The following GC variants were observed in gnomAD, a reference collection of about 807,000 sequenced individuals.
GC encodes the protein vitamin D-binding protein.
GC carries 43 observed loss-of-function variants against 56.7 expected under a neutral mutation model. That is an observed-to-expected ratio of 0.76 (90% CI 0.59 to 0.98). The LOEUF is 0.98. Ranked by LOEUF, GC falls within the 50% of genes least tolerant of loss-of-function variation. GC has a pLI of 0.00. For missense variants in GC, 529 were observed against 545.9 expected, an observed-to-expected ratio of 0.97 and a Z score of 0.31; for synonymous variants, 216 against 202.7, an observed-to-expected ratio of 1.07 and a Z score of -0.56.
At chr4:71,771,398 T>C (rs1338606567) in intron 1 of GC, among the ~76,000 whole-genome samples, 1 of 152,066 alleles carries the variant, frequency 6.6e-6, no homozygotes, top group African/African-American at 2.4e-5. Context: ...TAATGTCAGA[T>C]TGCCTGTAGA....
Position 71,768,325 on chromosome 4 carries a change from A to G in GC, c.237T>C (p.Ala79=), listed in dbSNP as rs1185572014. 6.2e-7 allele frequency: 1 copy of G among 1,612,502 alleles called. No individual in the cohort carries two copies. Among genetic ancestry groups the G allele is most frequent in the African/African-American group, 1.3e-5 (1 of 75,004 alleles). The stretch of plus-strand genomic sequence containing the variant: ...CCCTGGTGTCATAGCAGTCAGGGTC[A>G]GCCCCTTCCGCACAGCAGGCTTCGG... The part of the protein sequence containing the change: ...SLTEACCAEG[A]DPDCYDTRTS... The change falls in exon 3 of 13, where the codon GCT becomes GCC. Residue 79 remains alanine (A), a synonymous_variant. Coordinates refer to ENST00000273951, the MANE Select transcript of GC (RefSeq NM_000583.4).
chr4:71,768,111 T>C (rs541524181), intron 3 of GC, among the ~76,000 whole-genome samples, 190 bp downstream of exon 3: 1 of 152,312 alleles, frequency 6.6e-6, no homozygotes, highest in Admixed American at 6.5e-5. Flanking sequence ...TTGAACCTTG[T>C]AGGAATAATG....
chr4:71,779,496 A>G (rs1742608747), intron 1 of GC, among the ~76,000 whole-genome samples: 1 of 151,834 alleles, frequency 6.6e-6, no homozygotes, highest in Non-Finnish European at 1.5e-5. Flanking sequence ...CCTGGGGTGC[A>G]AAGGACTTAG....
chr4:71,795,203 T>C (rs1016184259), intron 1 of GC, among the ~76,000 whole-genome samples: 5 of 152,228 alleles, frequency 3.3e-5, no homozygotes, highest in African/African-American at 4.8e-5. Flanking sequence ...GTTCAAGTCC[T>C]GAATATCTTT....
In GC at chr4:71,754,460, C is replaced by T; in HGVS notation, c.1213G>A (p.Glu405Lys). 1 of 1,593,624 alleles carries T rather than the reference C, an allele frequency of 6.3e-7. No homozygotes were observed. Reference sequence around the variant, plus strand: ...TTTTCTGAATAATCTGCACATAGTTCTTGTCCCTTGTCAATGAAAGAAGAT... The same window carrying T: ...TTTTCTGAATAATCTGCACATAGTTTTTGTCCCTTGTCAATGAAAGAAGAT... Reference protein sequence around the residue: ...ELSSFIDKGQELCADYSENTF... With the variant: ...ELSSFIDKGQKLCADYSENTF... The change falls in exon 10 of 13, where the codon GAA (glutamate) becomes AAA (lysine). Residue 405 changes from glutamate to lysine, a missense_variant. Coordinates refer to ENST00000273951, the MANE Select transcript of GC (RefSeq NM_000583.4).
intron 12 of GC, among the ~76,000 whole-genome samples, chr4:71,745,339 G>T (rs1271738206): frequency 6.6e-6 from 1 of 152,134 alleles, no homozygotes; most frequent in Non-Finnish European, 1.5e-5. Flanking sequence ...CAGCTTCAGA[G>T]GATTTAAATA....
chr4:71,795,141 T>C lies in GC; in HGVS notation c.21+8785A>G, dbSNP rs1046925527. ...GAGAAGAATGTATATTCTGTTGATT[T>C]GGGGTGGAGAGTTCTGTAGCTGTCT... On this transcript the variant is annotated intron_variant, in intron 1 of 13. Coordinates refer to the GC transcript ENST00000504199. Among the ~76,000 whole-genome samples, 11 of 152,326 alleles carry C rather than the reference T, an allele frequency of 7.2e-5. 1 individual carries two copies. The highest frequency in any genetic ancestry group is 6.5e-4 in the Admixed American group (10 of 15,300).
intron 3 of GC, among the ~76,000 whole-genome samples, chr4:71,767,309 C>T (rs1389261431): frequency 6.6e-6 from 1 of 152,110 alleles, no homozygotes; most frequent in Admixed American, 6.6e-5. Flanking sequence ...TCATTTGCAT[C>T]AGGCCTGACG....
intron 3 of GC, 133 bp from the exon 4 acceptor site, chr4:71,765,776 C>T: frequency 3.2e-6 from 2 of 622,974 alleles, no homozygotes; most frequent in Non-Finnish European, 2.8e-6. Flanking sequence ...CCAAGGGCTC[C>T]ATGAAGTGAT....
intron 1 of GC, among the ~76,000 whole-genome samples, chr4:71,775,190 G>A (rs1742469628): frequency 6.6e-6 from 1 of 151,734 alleles, no homozygotes; most frequent in Non-Finnish European, 1.5e-5. Context: ...TCTTATAAAG[G>A]CAGCATATAC....
At chr4:71,803,966 T>A in exon 1 of GC, 1 of 1,462,904 alleles carries the variant, frequency 6.8e-7, no homozygotes, top group Non-Finnish European at 9.3e-7. Flanking sequence ...GTTGGACTAG[T>A]CCAGATCATC....
At chr4:71,802,926 G>A (rs547477499) in intron 1 of GC, among the ~76,000 whole-genome samples, 3 of 152,142 alleles carry the variant, frequency 2.0e-5, no homozygotes, top group Non-Finnish European at 2.9e-5. Flanking sequence ...TTACACTGAA[G>A]AGCATGCTGA....
intron 1 of GC, among the ~76,000 whole-genome samples, chr4:71,783,321 T>C (rs1742744055): frequency 6.6e-6 from 1 of 151,746 alleles, no homozygotes; most frequent in South Asian, 2.1e-4. Flanking sequence ...AATCTCAGTC[T>C]TTATCATGTA....
chr4:71,784,430 A>C, upstream of GC: 18 of 446,752 alleles, frequency 4.0e-5, no homozygotes, highest in Non-Finnish European at 4.4e-5. Context: ...CACCTTTCTC[A>C]TATGTAAGTG....
intron 9 of GC, 48 bp downstream of exon 9, chr4:71,754,930 T>A: frequency 7.1e-7 from 1 of 1,411,344 alleles, no homozygotes; most frequent in South Asian, 1.4e-5. Flanking sequence ...ACTATAATTT[T>A]CCAACCCTTG....
intron 11 of GC, among the ~76,000 whole-genome samples, chr4:71,750,052 T>C (rs1019706899): frequency 4.6e-5 from 7 of 151,912 alleles, no homozygotes; most frequent in Non-Finnish European, 8.8e-5. Flanking sequence ...AAACAAAACA[T>C]AACAAAACAA....
chr4:71,752,747 A>G, intron 10 of GC, 97 bp from the exon 11 acceptor site: 1 of 1,101,234 alleles, frequency 9.1e-7, no homozygotes, highest in South Asian at 1.4e-5. Flanking sequence ...TTTACAATAA[A>G]AATGAAAATA....
upstream of GC, among the ~76,000 whole-genome samples, chr4:71,784,972 A>G (rs1742798506): frequency 6.6e-6 from 1 of 151,854 alleles, no homozygotes; most frequent in Non-Finnish European, 1.5e-5. Flanking sequence ...CATTGGAATT[A>G]GATGAGTTCC....
At chr4:71,783,512 G>A (rs1384012487) in intron 1 of GC, among the ~76,000 whole-genome samples, 5 of 151,678 alleles carry the variant, frequency 3.3e-5, no homozygotes, top group Admixed American at 3.3e-4. Context: ...ATTCCTCTAA[G>A]GGGATCAAAG....
Sources: allele counts gnomAD v4.1 joint callset (sites outside exome capture counted in the v4.1 genomes callset), GRCh38; gene constraint gnomAD v4.1.1; transcripts MANE v1.5; gene names NCBI Gene and HGNC (gene_info 2026-07-23, HGNC 2026-07-21).